The following ENTPD1 variants were observed in gnomAD, a reference collection of about 807,000 sequenced individuals.
The protein encoded by ENTPD1 is ectonucleoside triphosphate diphosphohydrolase 1, also known as ATP diphosphohydrolase.
A neutral mutation model predicts 57.0 loss-of-function variants in ENTPD1; 33 were observed. That is an observed-to-expected ratio of 0.58 (90% confidence interval 0.44 to 0.77). The LOEUF (loss-of-function observed/expected upper bound fraction) is 0.77. Ranked by LOEUF, ENTPD1 falls within the 30% of genes least tolerant of loss-of-function variation. The pLI is 0.00. For missense variants in ENTPD1, 501 were observed against 603.4 expected, an observed-to-expected ratio of 0.83 and a Z score of 1.78; for synonymous variants, 202 against 218.8, an observed-to-expected ratio of 0.92 and a Z score of 0.68.
chr10:95,797,513 A>G (rs781591073), intron 1 of ENTPD1, among the ~76,000 whole-genome samples: 1 of 152,150 alleles, frequency 6.6e-6, no homozygotes, highest in Non-Finnish European at 1.5e-5. Context: ...AAAGAGGTTT[A>G]TTTGTCTTAT....
intron 2 of ENTPD1, among the ~76,000 whole-genome samples, chr10:95,826,295 G>A (rs187391988): frequency 3.0e-4 from 46 of 152,192 alleles, no homozygotes; most frequent in African/African-American, 1.0e-3. Flanking sequence ...AGGCAGGGCC[G>A]AGCACGGTGG....
intron 1 of ENTPD1, among the ~76,000 whole-genome samples, chr10:95,757,172 A>G (rs754609394): frequency 1.3e-4 from 20 of 152,224 alleles, no homozygotes; most frequent in Non-Finnish European, 1.9e-4. Flanking sequence ...TAGCATGAGT[A>G]GCCAACATAT....
At chr10:95,857,541 C>G (rs147354736) in intron 7 of ENTPD1, among the ~76,000 whole-genome samples, 2 of 152,132 alleles carry the variant, frequency 1.3e-5, no homozygotes, top group East Asian at 1.9e-4. Context: ...CCCTCTCACC[C>G]CACCATCAGT....
At chr10:95,717,148 G>T (rs975952135) in intron 1 of ENTPD1, among the ~76,000 whole-genome samples, 6 of 152,326 alleles carry the variant, frequency 3.9e-5, no homozygotes, top group African/African-American at 1.4e-4. Flanking sequence ...TGTTTATGAT[G>T]CAGGAATCTT....
intron 4 of ENTPD1, among the ~76,000 whole-genome samples, chr10:95,842,886 T>C (rs1261809152): frequency 6.6e-6 from 1 of 152,248 alleles, no homozygotes; most frequent in Non-Finnish European, 1.5e-5. Flanking sequence ...AGCACATCTT[T>C]ATATCACTTG....
At chr10:95,858,095 T>G (rs553444774) in intron 7 of ENTPD1, among the ~76,000 whole-genome samples, 19 of 149,222 alleles carry the variant, frequency 1.3e-4, no homozygotes, top group Non-Finnish European at 2.1e-4. Flanking sequence ...ACGCAGAGCT[T>G]GCAGTGAGCC....
chr10:95,759,055 A>G (rs1269976552), intron 1 of ENTPD1, among the ~76,000 whole-genome samples: 1 of 152,198 alleles, frequency 6.6e-6, no homozygotes, highest in East Asian at 1.9e-4. Flanking sequence ...TGCAAGTCCA[A>G]AAGGTCCTTG....
chr10:95,772,305 C>T (rs188837225), intron 1 of ENTPD1, among the ~76,000 whole-genome samples: 2 of 152,338 alleles, frequency 1.3e-5, no homozygotes, highest in Non-Finnish European at 2.9e-5. Flanking sequence ...TTCTCTGTAG[C>T]ATGTGGTGCT....
At chr10:95,818,931 A>C (rs1055011859) in intron 1 of ENTPD1, among the ~76,000 whole-genome samples, 2 of 152,234 alleles carry the variant, frequency 1.3e-5, no homozygotes, top group South Asian at 4.1e-4. Flanking sequence ...ATGACAAGAA[A>C]AGTTTAGTCC....
At chr10:95,736,236 A>C (rs2029927425) in intron 1 of ENTPD1, among the ~76,000 whole-genome samples, 1 of 152,034 alleles carries the variant, frequency 6.6e-6, no homozygotes, top group South Asian at 2.1e-4. Context: ...TCCTGGCCTC[A>C]AGTGATCCAC....
intron 1 of ENTPD1, among the ~76,000 whole-genome samples, chr10:95,770,961 TAAG>T (rs1238945270): frequency 1.3e-5 from 2 of 152,066 alleles, no homozygotes; most frequent in Admixed American, 1.3e-4. Context: ...AAAGAATAAA[TAAG>T]AAAATAAAAA....
At position 95,835,576 on chromosome 10, in the gene ENTPD1, T is replaced by G. The variant is rs190677256; in HGVS notation, c.145-4115T>G. On this transcript the variant is annotated intron_variant, in intron 2 of 9. Transcript: ENST00000371205. ...CACCAACAGTGTGTAAGCATTCTCTTGTATGCACAATCTTGCCAGCATCTG... is the reference window on the plus strand; with the variant it reads ...CACCAACAGTGTGTAAGCATTCTCTGGTATGCACAATCTTGCCAGCATCTG... Among the ~76,000 whole-genome samples, 992 of 152,324 alleles carry G rather than the reference T, an allele frequency of 6.5e-3. 7 individuals are homozygous for G. Among genetic ancestry groups the G allele is most frequent in the Non-Finnish European group, 9.5e-3 (647 of 68,020 alleles).
Position 95,860,463 on chromosome 10 carries a change from T to C in ENTPD1, c.1075-6T>C, listed in dbSNP as rs367572925. 9 of 1,611,148 alleles carry C rather than the reference T, an allele frequency of 5.6e-6. No individual in the cohort carries two copies. In the African/African-American group the frequency reaches 1.2e-4, roughly 22 times the overall value. The stretch of plus-strand genomic sequence containing the variant: ...CACAGCCTAAAACTGCGATTTTCTC[T>C]TGTAGGCATTTTCAGCTTTTTACTT... On this transcript the variant is annotated splice_polypyrimidine_tract_variant and splice_region_variant and intron_variant, in intron 7 of 9. Coordinates refer to ENST00000371205, the MANE Select transcript of ENTPD1 (RefSeq NM_001776.6).
chr10:95,742,500 C>CTTTCTT (rs890369458), intron 1 of ENTPD1, among the ~76,000 whole-genome samples: 1 of 150,792 alleles, frequency 6.6e-6, no homozygotes, highest in Non-Finnish European at 1.5e-5. Flanking sequence ...AACTTAGAAA[C>CTTTCTT]TTTCTTTTTC....
At chr10:95,829,158 T>C (rs544430607) in intron 2 of ENTPD1, among the ~76,000 whole-genome samples, 2 of 152,360 alleles carry the variant, frequency 1.3e-5, no homozygotes, top group South Asian at 4.1e-4. Flanking sequence ...CAGCACATCC[T>C]ATTAACAGAA....
In ENTPD1 at chr10:95,822,336, G is replaced by A. The variant is rs192726705; in HGVS notation, c.17-901G>A. ...TTTTGAGATGGAGTCTTGTTCTGTC[G>A]CCCAGCCTGGAGTGCAGTGGTGCGA... On this transcript the variant is annotated intron_variant, in intron 1 of 9. Coordinates refer to ENST00000371205, the MANE Select transcript of ENTPD1 (RefSeq NM_001776.6). Among the ~76,000 whole-genome samples the A allele has an allele frequency of 2.3e-3, 345 of 147,784 alleles. 3 individuals carry two copies. Among genetic ancestry groups the A allele is most frequent in the African/African-American group, 7.4e-3 (295 of 39,740 alleles).
intron 1 of ENTPD1, among the ~76,000 whole-genome samples, chr10:95,716,632 C>T (rs1163136482): frequency 6.6e-6 from 1 of 152,050 alleles, no homozygotes; most frequent in South Asian, 2.1e-4. Context: ...CACATGCTTG[C>T]TTGCCACTGT....
At chr10:95,776,710 T>A (rs1461552485) in intron 1 of ENTPD1, among the ~76,000 whole-genome samples, 1 of 152,256 alleles carries the variant, frequency 6.6e-6, no homozygotes, top group East Asian at 1.9e-4. Flanking sequence ...TTCTCGTGGA[T>A]AACATCCTGA....
upstream of ENTPD1, chr10:95,755,898 GGAGGGAGTAAGGGAGA>G: frequency 1.3e-6 from 2 of 1,521,762 alleles, no homozygotes; most frequent in Non-Finnish European, 1.8e-6. Context: ...AGATGAAGAG[GGAGGGAGTAAGGGAGA>G]GAGGGAAGAA....
Sources: allele counts gnomAD v4.1 joint callset (sites outside exome capture counted in the v4.1 genomes callset), GRCh38; gene constraint gnomAD v4.1.1; transcripts MANE v1.5; gene names NCBI Gene and HGNC (gene_info 2026-07-23, HGNC 2026-07-21).